Variants in DOCK9 observed in about 807,000 individuals in gnomAD.
DOCK9 encodes dedicator of cytokinesis 9, also known as dedicator of cytokinesis protein 9.
In DOCK9, 89 loss-of-function variants were observed where a neutral mutation model predicts 263.3. The ratio of observed to expected loss-of-function variants is 0.34; its 90% CI spans 0.28 to 0.40. The LOEUF (loss-of-function observed/expected upper bound fraction) is 0.40. Ranked by LOEUF, DOCK9 falls within the 10% of genes least tolerant of loss-of-function variation. The pLI, the probability that DOCK9 is intolerant of heterozygous loss-of-function variation, is 1.00. For missense variants in DOCK9, 2,140 were observed against 2,603.4 expected (o/e 0.82, Z 3.87); for synonymous variants, 976 against 973.1 (o/e 1.00, Z -0.06).
intron 41 of DOCK9, among the ~76,000 whole-genome samples, chr13:98,830,575 C>A (rs902674251): frequency 6.6e-6 from 1 of 152,218 alleles, no homozygotes; most frequent in African/African-American, 2.4e-5. Flanking sequence ...CAGATGGGTG[C>A]TTCCCCGTAG....
intron 1 of DOCK9, among the ~76,000 whole-genome samples, chr13:99,007,402 A>G (rs1240563969): frequency 1.3e-5 from 2 of 151,790 alleles, no homozygotes; most frequent in African/African-American, 4.8e-5. Flanking sequence ...AAATAAAAAT[A>G]AAAATTTAAT....
intron 1 of DOCK9, among the ~76,000 whole-genome samples, chr13:99,042,400 A>G (rs1022301689): frequency 6.6e-6 from 1 of 152,224 alleles, no homozygotes; most frequent in Non-Finnish European, 1.5e-5. Flanking sequence ...CCTGCACATC[A>G]GCTGCCTCCC....
At chr13:98,949,856 G>C (rs2057196191) in intron 2 of DOCK9, 1 of 482,408 alleles carries the variant, frequency 2.1e-6, no homozygotes, top group South Asian at 1.6e-5. Flanking sequence ...AGATCTCCTG[G>C]AAATACTTCC....
At chr13:98,846,681 C>T (rs1157331857) in intron 37 of DOCK9, 5 of 619,524 alleles carry the variant, frequency 8.1e-6, no homozygotes, top group Non-Finnish European at 1.4e-5. Context: ...TGACACCTGT[C>T]CCCTGTCCCG....
chr13:98,865,773 GA>G (rs903850510), intron 30 of DOCK9, among the ~76,000 whole-genome samples: 22 of 152,308 alleles, frequency 1.4e-4, no homozygotes, highest in African/African-American at 4.8e-4. Context: ...CACAGGGCAG[GA>G]AAGAGTGGTT....
chr13:99,073,370 C>CCTCTCTCTCTCTCTCCT (rs2041773050), intron 1 of DOCK9, among the ~76,000 whole-genome samples: 1 of 149,792 alleles, frequency 6.7e-6, no homozygotes, highest in African/African-American at 2.5e-5. Context: ...TTCTCTCTCT[C>CCTCTCTCTCTCTCTCCT]CTCTCTCTCT....
rs2092498461 is a variant in DOCK9, at chr13:98,825,726, A to C, written c.5023+1104T>G. 5 of 432,266 alleles carry C rather than the reference A, an allele frequency of 1.2e-5. No individual in the cohort carries two copies. In the East Asian group the frequency reaches 2.1e-4, roughly 18 times the overall value. The allele number at this position is 432,266 out of a possible 1,614,324, so 26.8% of individuals were successfully genotyped here. ...GCTTTCCTCTTGTGCCCACAGGAAT[A>C]GACCAGCCAACCAGAGAGCCACAGA... is the stretch of plus-strand genomic sequence containing the variant. On this transcript the variant is annotated intron_variant, in intron 44 of 52. Coordinates refer to ENST00000682017, the MANE Select transcript of DOCK9 (RefSeq NM_001366683.2). This position sits in a 1 kb window ranked among gnomAD's most constrained non-coding sequence, Gnocchi z 4.1.
At chr13:98,889,984 C>CT (rs2046377228) in intron 15 of DOCK9, among the ~76,000 whole-genome samples, 1 of 152,156 alleles carries the variant, frequency 6.6e-6, no homozygotes, top group Non-Finnish European at 1.5e-5. Context: ...ATTCCTACAT[C>CT]TTTTTTCACA....
intron 10 of DOCK9, 74 bp downstream of exon 10, chr13:98,904,554 CAAAT>C (rs111507474): frequency 0.14 from 157,245 of 1,121,726 alleles, 11,691 homozygotes; most frequent in East Asian, 0.24. Context: ...ACAAAGCAAA[CAAAT>C]AAACAAATAA....
chr13:99,008,325 C>A (rs1160969963), intron 1 of DOCK9, among the ~76,000 whole-genome samples: 1 of 151,122 alleles, frequency 6.6e-6, no homozygotes, highest in Non-Finnish European at 1.5e-5. Flanking sequence ...CTCCGCCTCC[C>A]GGGGTTCAAG....
At position 98,845,942 on chromosome 13, in the gene DOCK9, A is replaced by T; in HGVS notation, c.4180T>A (p.Ser1394Thr). 1 of 1,613,554 alleles carries T rather than the reference A, an allele frequency of 6.2e-7. No homozygotes were observed. The highest frequency in any genetic ancestry group is 8.5e-7 in the Non-Finnish European group (1 of 1,179,732). The change falls in exon 38 of 53, where the codon TCT becomes ACT. Residue 1394 changes from serine (S) to threonine (T), a missense_variant. Ser to Thr is a moderately conservative substitution (Grantham distance 58). Coordinates refer to ENST00000682017, the MANE Select transcript of DOCK9 (RefSeq NM_001366683.2). ...GACTTACTGTGGTTAAAAGTGAGAG[A>T]GTTATCCAGGCTGCCCAGCTGCTGC... Reference protein sequence around the residue: ...RLQQLGSLDNSLTFNHSYGHS... With the variant: ...RLQQLGSLDNTLTFNHSYGHS...
At chr13:99,078,693 C>G (rs532049573) in intron 1 of DOCK9, among the ~76,000 whole-genome samples, 23 of 152,320 alleles carry the variant, frequency 1.5e-4, no homozygotes, top group African/African-American at 5.1e-4. Flanking sequence ...TTGCTAAGTT[C>G]TGAGCAACTT....
intron 9 of DOCK9, 142 bp from the exon 10 acceptor site, chr13:98,904,848 C>T (rs1415141030): frequency 4.5e-6 from 3 of 661,284 alleles, no homozygotes; most frequent in Non-Finnish European, 5.1e-6. Context: ...CTGTGTGTGC[C>T]AGGGAGTGTG....
At chr13:98,859,265 A>T (rs548954615) in intron 33 of DOCK9, 5 of 152,334 alleles carry the variant, frequency 3.3e-5, no homozygotes, top group Non-Finnish European at 7.3e-5. Context: ...AGCAGCCAAC[A>T]TTTGCTGAGC....
At chr13:98,950,023 T>C (rs1298151647) in intron 2 of DOCK9, 4 of 482,850 alleles carry the variant, frequency 8.3e-6, no homozygotes, top group African/African-American at 2.0e-5. Context: ...GACTTTAGAT[T>C]GGAAATCCCC....
At chr13:98,923,966 T>TA (rs1003172703) in intron 4 of DOCK9, among the ~76,000 whole-genome samples, 14 of 152,218 alleles carry the variant, frequency 9.2e-5, no homozygotes, top group Admixed American at 6.5e-5. Flanking sequence ...TCACCACTGT[T>TA]ACAATTCTCC....
At chr13:99,064,731 T>C (rs2041342230) in intron 1 of DOCK9, among the ~76,000 whole-genome samples, 1 of 152,216 alleles carries the variant, frequency 6.6e-6, no homozygotes, top group Non-Finnish European at 1.5e-5. Flanking sequence ...AAATGTCAGC[T>C]TTGAAGACAG....
intron 12 of DOCK9, 26 bp downstream of exon 12, chr13:98,902,261 TG>T: frequency 6.2e-7 from 1 of 1,609,456 alleles, no homozygotes; most frequent in Non-Finnish European, 8.5e-7. Flanking sequence ...GTCTGAGTAG[TG>T]GGAATGCTGG....
chr13:98,804,194 G>A (rs9557076), intron 49 of DOCK9, among the ~76,000 whole-genome samples: 59,264 of 151,978 alleles, frequency 0.39, 12,431 homozygotes, highest in East Asian at 0.62. Context: ...TGTGGTGAAA[G>A]CTGGCACACC....
Sources: allele counts gnomAD v4.1 joint callset (sites outside exome capture counted in the v4.1 genomes callset), GRCh38; gene constraint gnomAD v4.1.1; non-coding constraint Gnocchi (gnomAD v3.1); transcripts MANE v1.5; gene names NCBI Gene and HGNC (gene_info 2026-07-23, HGNC 2026-07-21).